Variants in PCDHGA2 observed in about 807,000 individuals in gnomAD.
The protein encoded by PCDHGA2 is protocadherin gamma subfamily A, 2.
Under a neutral mutation model 59.2 loss-of-function variants are expected in PCDHGA2, and 40 were observed. The observed-to-expected ratio is 0.68, with a 90% CI of 0.52 to 0.88. The LOEUF (loss-of-function observed/expected upper bound fraction) is 0.88, where lower values mean the gene tolerates loss of function less well. Among genes scored for constraint, PCDHGA2 ranks in the 40% least tolerant of loss-of-function variants. PCDHGA2 has a pLI of 0.00. For missense variants in PCDHGA2, 1,226 were observed against 1,204.0 expected, an observed-to-expected ratio of 1.02 and a Z score of -0.27; for synonymous variants, 560 against 526.0, an observed-to-expected ratio of 1.06 and a Z score of -0.89.
At chr5:141,347,021 T>C (rs71583642) in intron 1 of PCDHGA2, among the ~76,000 whole-genome samples, 1 of 151,100 alleles carries the variant, frequency 6.6e-6, no homozygotes, top group Non-Finnish European at 1.5e-5. Context: ...TCCTCTCTCT[T>C]TCCTCCTTCC....
At chr5:141,346,780 G>GTAAC (rs1472038349) in intron 1 of PCDHGA2, among the ~76,000 whole-genome samples, 1 of 152,222 alleles carries the variant, frequency 6.6e-6, no homozygotes, top group Non-Finnish European at 1.5e-5. Flanking sequence ...GGGTCCTTGA[G>GTAAC]TAACTATGAT....
At position 141,429,460 on chromosome 5, in the gene PCDHGA2, C is replaced by T. The variant is rs528924726; in HGVS notation, c.2425-65347C>T. The stretch of plus-strand genomic sequence containing the variant: ...AAACTCTTGGGCTACAGTAATCCTC[C>T]CACCTCAATCTCCAGAGTAGCTGAG... On this transcript the variant is annotated intron_variant, in intron 1 of 3. Transcript: ENST00000394576. Among the ~76,000 whole-genome samples the T allele has an allele frequency of 1.6e-4, 25 of 151,938 alleles. 1 individual carries two copies. The South Asian group carries it at 4.6e-3, about 28-fold the overall frequency.
intron 1 of PCDHGA2, chr5:141,356,057 A>T: frequency 6.2e-7 from 1 of 1,613,942 alleles, no homozygotes; most frequent in Middle Eastern, 1.6e-4. Flanking sequence ...AAAGTAAGAG[A>T]CAAAATATCA....
Position 141,409,086 on chromosome 5 carries a change from A to G in PCDHGA2, c.2424+67691A>G, listed in dbSNP as rs1019017199. 6.8e-6 allele frequency: 11 copies of G among 1,613,904 alleles called. No homozygotes were observed. Among genetic ancestry groups the G allele is most frequent in the African/African-American group, 5.3e-5 (4 of 74,932 alleles). On this transcript the variant is annotated intron_variant, in intron 1 of 3. Transcript: ENST00000394576. ...AGCACAAAACATATGTTCTCATTGG[A>G]TGAGAAAACAGGTATGATTAAGAAT... is the stretch of plus-strand genomic sequence containing the variant.
chr5:141,419,618 C>T (rs746617593), intron 1 of PCDHGA2: 3 of 1,612,326 alleles, frequency 1.9e-6, no homozygotes, highest in South Asian at 1.1e-5. Flanking sequence ...GCCAGGCTAC[C>T]TGGTGACCAA....
At chr5:141,381,029 T>C (rs976718384) in intron 1 of PCDHGA2, among the ~76,000 whole-genome samples, 4 of 152,266 alleles carry the variant, frequency 2.6e-5, no homozygotes, top group Admixed American at 6.5e-5. Context: ...TTAGTTCCTT[T>C]AAACAAAATT....
intron 1 of PCDHGA2, chr5:141,418,432 T>A: frequency 6.2e-7 from 1 of 1,613,956 alleles, no homozygotes; most frequent in East Asian, 2.2e-5. Context: ...GTGGCAAATA[T>A]CCAGAATTAG....
intron 1 of PCDHGA2, chr5:141,355,963 G>A: frequency 6.2e-7 from 1 of 1,613,836 alleles, no homozygotes; most frequent in Non-Finnish European, 8.5e-7. Context: ...TCGTGAGAAC[G>A]TTCCTGTAGG....
chr5:141,388,396 A>C, intron 1 of PCDHGA2: 2 of 1,614,014 alleles, frequency 1.2e-6, no homozygotes, highest in Non-Finnish European at 1.7e-6. Flanking sequence ...CAGAATTACC[A>C]ACTCAGTCCC....
chr5:141,477,819 T>C lies in PCDHGA2; in HGVS notation c.2425-16988T>C. 1.9e-6 allele frequency: 3 copies of C among 1,614,138 alleles called. No individual in the cohort carries two copies. The highest frequency in any genetic ancestry group is 2.5e-6 in the Non-Finnish European group (3 of 1,180,030). On this transcript the variant is annotated intron_variant, in intron 1 of 3. Transcript: ENST00000394576. The surrounding 1 kb of genome is among the most constrained non-coding windows in gnomAD (Gnocchi z 4.9). ...CGCAATGACAATGCCCCCCAGGTCC[T>C]ATATCCTCGGCCAGGTGGGAGCTCG...
intron 1 of PCDHGA2, chr5:141,393,026 G>A (rs1215893899): frequency 1.2e-6 from 2 of 1,613,832 alleles, no homozygotes; most frequent in East Asian, 4.5e-5. Context: ...CCAGAGGTAG[G>A]ACGCAGCTCT....
At chr5:141,357,721 T>C in intron 1 of PCDHGA2, 2 of 1,415,050 alleles carry the variant, frequency 1.4e-6, no homozygotes, top group Non-Finnish European at 1.9e-6. Flanking sequence ...TAAAGTTGCC[T>C]CTTTTAATAT....
intron 1 of PCDHGA2, chr5:141,416,537 G>T (rs2096038948): frequency 6.6e-6 from 1 of 152,082 alleles, no homozygotes; most frequent in Admixed American, 6.6e-5. Context: ...AATGTATAAG[G>T]AGGCAAACAC....
chr5:141,349,176 T>A (rs1758245456), intron 1 of PCDHGA2, among the ~76,000 whole-genome samples: 1 of 152,156 alleles, frequency 6.6e-6, no homozygotes, highest in Non-Finnish European at 1.5e-5. Flanking sequence ...GTTAAGTGAT[T>A]CTGCTGCCTC....
chr5:141,463,041 G>C (rs1383781857), intron 1 of PCDHGA2, among the ~76,000 whole-genome samples: 1 of 152,114 alleles, frequency 6.6e-6, no homozygotes, highest in African/African-American at 2.4e-5. Flanking sequence ...TGAGTGTTCA[G>C]CAGGGTCTCT....
At chr5:141,352,133 G>C in intron 1 of PCDHGA2, 1 of 1,610,966 alleles carries the variant, frequency 6.2e-7, no homozygotes, top group Non-Finnish European at 8.5e-7. Context: ...GGTGCGCACA[G>C]CGCGTGCCTT....
At chr5:141,425,296 T>A (rs1283179158) in intron 1 of PCDHGA2, among the ~76,000 whole-genome samples, 1 of 152,194 alleles carries the variant, frequency 6.6e-6, no homozygotes, top group Non-Finnish European at 1.5e-5. Flanking sequence ...TAAAACCTCA[T>A]CTAAACTAAC....
rs751874380 is a variant in PCDHGA2 at position 141,486,055 on chromosome 5, C to A, written c.2425-8752C>A. ...CTGATCGTGTAAGAAACCTCTTTAG[C>A]CTGCACCCCACTACTGGAAAGCTTA... On this transcript the variant is annotated intron_variant, in intron 1 of 3. Transcript: ENST00000394576. The surrounding 1 kb of genome is among the most constrained non-coding windows in gnomAD (Gnocchi z 5.0). The A allele has an allele frequency of 6.2e-7, 1 of 1,614,170 alleles. No individual in the cohort carries two copies. Among genetic ancestry groups the A allele is most frequent in the South Asian group, 1.1e-5 (1 of 91,072 alleles).
chr5:141,476,951 A>C lies in PCDHGA2; in HGVS notation c.2425-17856A>C. On this transcript the variant is annotated intron_variant, in intron 1 of 3. Coordinates refer to ENST00000394576, the MANE Select transcript of PCDHGA2 (RefSeq NM_018915.4). The surrounding 1 kb of genome is among the most constrained non-coding windows in gnomAD (Gnocchi z 7.6). ...TCTGGATGAAGGCCCCAACGGTGAA[A>C]TTATTTACTCCTTCGGCAGCCACAA... 6.2e-7 allele frequency: 1 copy of C among 1,614,184 alleles called. No individual in the cohort carries two copies. Among genetic ancestry groups the C allele is most frequent in the South Asian group, 1.1e-5 (1 of 91,088 alleles).
Sources: gnomAD v4.1 joint callset for allele counts (sites outside exome capture counted in the v4.1 genomes callset) on GRCh38, gnomAD v4.1.1 for gene constraint, Gnocchi (gnomAD v3.1) non-coding constraint, MANE v1.5 for transcripts, NCBI Gene and HGNC (gene_info 2026-07-23, HGNC 2026-07-21) for gene names.